PGM2L1: variants seen among roughly 807,000 people sequenced by gnomAD.
PGM2L1 encodes glucose 1,6-bisphosphate synthase.
Under a neutral mutation model 73.4 loss-of-function variants are expected in PGM2L1, and 35 were observed. That is an observed-to-expected ratio of 0.48 (90% CI 0.36 to 0.63). The LOEUF (loss-of-function observed/expected upper bound fraction) is 0.63. PGM2L1 is among the 30% of genes least tolerant of loss of function. PGM2L1 has a pLI of 0.00. For synonymous variants in PGM2L1, 225 were observed against 253.8 expected, an observed-to-expected ratio of 0.89 and a Z score of 1.08; for missense variants, 570 against 742.0, an observed-to-expected ratio of 0.77 and a Z score of 2.69.
intron 9 of PGM2L1, among the ~76,000 whole-genome samples, chr11:74,345,251 GAATA>G (rs1862244312): frequency 6.6e-6 from 1 of 152,150 alleles, no homozygotes. Context: ...AATTTTTAAA[GAATA>G]TCTCATCTTA....
intron 5 of PGM2L1, among the ~76,000 whole-genome samples, chr11:74,355,879 G>A (rs1395417072): frequency 1.3e-5 from 2 of 152,060 alleles, no homozygotes; most frequent in Admixed American, 6.6e-5. Context: ...CATGTGTATG[G>A]GCAAAAAACT....
At chr11:74,374,652 G>T in intron 1 of PGM2L1, 70 bp from the exon 2 acceptor site, 1 of 1,334,276 alleles carries the variant, frequency 7.5e-7, no homozygotes, top group Non-Finnish European at 1.0e-6. Flanking sequence ...CCTTCTGAGG[G>T]GTCAATATGT....
intron 5 of PGM2L1, among the ~76,000 whole-genome samples, chr11:74,361,457 G>A (rs1862561844): frequency 6.6e-6 from 1 of 152,168 alleles, no homozygotes; most frequent in African/African-American, 2.4e-5. Flanking sequence ...AAAAAACAGA[G>A]CAGAAAAGCT....
At chr11:74,376,329 C>T (rs1214608827) in intron 1 of PGM2L1, among the ~76,000 whole-genome samples, 1 of 151,956 alleles carries the variant, frequency 6.6e-6, no homozygotes. Context: ...GGCTCTAAAG[C>T]CTACACCATC....
chr11:74,376,639 G>A (rs972704465), intron 1 of PGM2L1, among the ~76,000 whole-genome samples: 2 of 151,770 alleles, frequency 1.3e-5, no homozygotes, highest in African/African-American at 4.8e-5. Flanking sequence ...ATATATAAAT[G>A]ATCCAGCAGA....
chr11:74,378,361 AAATT>A (rs1403006039), intron 1 of PGM2L1, among the ~76,000 whole-genome samples: 1 of 152,186 alleles, frequency 6.6e-6, no homozygotes, highest in Non-Finnish European at 1.5e-5. Context: ...TATAAAATGA[AAATT>A]AATTATTTAG....
At chr11:74,365,448 C>A (rs913035836) in intron 5 of PGM2L1, among the ~76,000 whole-genome samples, 1 of 151,928 alleles carries the variant, frequency 6.6e-6, no homozygotes, top group African/African-American at 2.4e-5. Flanking sequence ...ATGGGAGAAA[C>A]TTTTTGCAAC....
chr11:74,371,808 T>C lies in PGM2L1; in HGVS notation c.289A>G (p.Lys97Glu). 1 of 1,612,962 alleles carries C rather than the reference T, an allele frequency of 6.2e-7. No homozygotes were observed. Residue 97 changes from lysine to glutamate, a missense_variant, in exon 3 of 14, where the codon AAA becomes GAA. Physicochemically the swap from Lys to Glu is moderately conservative, Grantham distance 56 (BLOSUM62 1). Coordinates refer to ENST00000298198, the MANE Select transcript of PGM2L1 (RefSeq NM_173582.6). ...TCTGAGAAACATCTCTCAAGGTATT[T>C]GTACATCCCCTGAAGCAAATAAACA... ...TVIQSTQGMY[K>E]YLERCFSDFK...
chr11:74,352,489 ATG>A (rs1426195322), intron 5 of PGM2L1, among the ~76,000 whole-genome samples: 1 of 152,222 alleles, frequency 6.6e-6, no homozygotes, highest in African/African-American at 2.4e-5. Flanking sequence ...AAGCATGAAA[ATG>A]TAATTCTATT....
chr11:74,374,964 A>G (rs1051001475), intron 1 of PGM2L1, among the ~76,000 whole-genome samples: 6 of 152,144 alleles, frequency 3.9e-5, no homozygotes, highest in Non-Finnish European at 7.4e-5. Flanking sequence ...CCTGGGCTCA[A>G]GTGATCTAGC....
chr11:74,336,733 T>G lies in PGM2L1; in HGVS notation c.1788A>C (p.Glu596Asp). The change falls in exon 14 of 14, where the codon GAA becomes GAC. Residue 596 changes from glutamate (E) to aspartate (D), a missense_variant. Coordinates refer to ENST00000298198, the MANE Select transcript of PGM2L1 (RefSeq NM_173582.6). The part of the protein sequence containing the change: ...PDQSDTALLE[E>D]ELKKLIDALI... ...GAGCATCAATGAGTTTCTTCAGTTC[T>G]TCCTCCAGTAAAGCAGTGTCACTGA... 2 of 1,611,406 alleles carry G rather than the reference T, an allele frequency of 1.2e-6. No individual in the cohort carries two copies. Among genetic ancestry groups the G allele is most frequent in the Non-Finnish European group, 1.7e-6 (2 of 1,177,998 alleles).
chr11:74,344,213 C>T (rs1257040142), intron 9 of PGM2L1, among the ~76,000 whole-genome samples: 1 of 152,028 alleles, frequency 6.6e-6, no homozygotes, highest in Non-Finnish European at 1.5e-5. Context: ...CAGAAACTGT[C>T]CTTTAAGCTA....
intron 1 of PGM2L1, among the ~76,000 whole-genome samples, chr11:74,383,831 A>ATATATATATATATATATATATATATC (rs1862984087): frequency 6.9e-6 from 1 of 145,358 alleles, no homozygotes; most frequent in African/African-American, 2.5e-5. Flanking sequence ...ATAAATATAT[A>ATATATATATATATATATATATATATC]TATATATATA....
chr11:74,396,148 A>T (rs1380366081), intron 1 of PGM2L1, among the ~76,000 whole-genome samples: 1 of 151,578 alleles, frequency 6.6e-6, no homozygotes, highest in Admixed American at 6.6e-5. Context: ...AGTCCCAGCT[A>T]CTCGGCAGGC....
Position 74,374,418 on chromosome 11 carries a change from TG to T in PGM2L1, c.275del (p.Thr92AsnfsTer30). The T allele has an allele frequency of 6.2e-7, 1 of 1,609,162 alleles. No individual in the cohort carries two copies. The highest frequency in any genetic ancestry group is 8.5e-7 in the Non-Finnish European group (1 of 1,176,654). ...YINDLTVIQS[T>X]QGMYKYLERC... is the part of the protein sequence containing the mutation. ...CTTAATACTTTATAATACTTACCTG[TG>T]TTGACTGTATTACTGTAAGGTCATT... On this transcript the variant is annotated frameshift_variant, in exon 2 of 14. Transcript: ENST00000298198. LOFTEE classifies it high-confidence loss of function.
At chr11:74,363,363 A>C (rs1862597217) in intron 5 of PGM2L1, among the ~76,000 whole-genome samples, 3 of 152,204 alleles carry the variant, frequency 2.0e-5, no homozygotes, top group Admixed American at 1.3e-4. Context: ...TTCAAAAGCT[A>C]GCAGAAGGCA....
Position 74,346,824 on chromosome 11 carries a change from A to C in PGM2L1, c.945T>G (p.Leu315=). The change falls in exon 8 of 14, where the codon CTT becomes CTG. Residue 315 remains leucine, a synonymous_variant. Coordinates refer to ENST00000298198, the MANE Select transcript of PGM2L1 (RefSeq NM_173582.6). Reference sequence around the variant, plus strand: ...TTTCTTTCTCTGCCAGTCTCAAGGAAAGTTCCTGAAACAGTGACCCAAAAA... The same window carrying C: ...TTTCTTTCTCTGCCAGTCTCAAGGACAGTTCCTGAAACAGTGACCCAAAAA... ...NPEEGESVLE[L]SLRLAEKENA... is the part of the protein sequence containing the mutation. The C allele has an allele frequency of 1.2e-6, 2 of 1,613,474 alleles. No homozygotes were observed. Among genetic ancestry groups the C allele is most frequent in the Non-Finnish European group, 1.7e-6 (2 of 1,179,402 alleles).
chr11:74,389,497 T>A (rs2134953109), intron 1 of PGM2L1, among the ~76,000 whole-genome samples: 1 of 151,764 alleles, frequency 6.6e-6, no homozygotes, highest in Admixed American at 6.5e-5. Context: ...TCACCCAGGC[T>A]GGAGTGCAGT....
At chr11:74,385,833 C>G (rs1863010719) in intron 1 of PGM2L1, among the ~76,000 whole-genome samples, 1 of 151,778 alleles carries the variant, frequency 6.6e-6, no homozygotes, top group Non-Finnish European at 1.5e-5. Context: ...TGAAATTAGG[C>G]TACAATTATG....
Sources: gnomAD v4.1 joint callset for allele counts (sites outside exome capture counted in the v4.1 genomes callset) on GRCh38, gnomAD v4.1.1 for gene constraint, MANE v1.5 for transcripts, NCBI Gene and HGNC (gene_info 2026-07-23, HGNC 2026-07-21) for gene names.